TMEM278: variants seen among roughly 807,000 people sequenced by gnomAD.
TMEM278 encodes transmembrane protein 278, also known as transmembrane protein 88B.
chr1:1,426,685 A>T, the TMEM278 span, among the ~76,000 whole-genome samples: 1 of 152,074 alleles, frequency 6.6e-6, no homozygotes, highest in African/African-American at 2.4e-5. Flanking sequence ...CAGGAAAAGA[A>T]GATGAAAATG....
chr1:1,428,713 T>A, the TMEM278 span, among the ~76,000 whole-genome samples: 3 of 152,282 alleles, frequency 2.0e-5, no homozygotes, highest in Non-Finnish European at 4.4e-5. Flanking sequence ...TATGTTAACA[T>A]ATCCAGGCCA....
At chr1:1,427,360 G>A in the TMEM278 span, among the ~76,000 whole-genome samples, 1 of 92,320 alleles carries the variant, frequency 1.1e-5, no homozygotes, top group Admixed American at 1.3e-4. Context: ...ACCCTGCCCT[G>A]CCCCTTCCCC....
At chr1:1,426,896 C>A in the TMEM278 span, among the ~76,000 whole-genome samples, 3 of 151,922 alleles carry the variant, frequency 2.0e-5, no homozygotes, top group Non-Finnish European at 4.4e-5. Flanking sequence ...GCGGGCAGAA[C>A]GCGGCAGTGG....
At chr1:1,427,706 G>A in the TMEM278 span, 3 of 1,323,276 alleles carry the variant, frequency 2.3e-6, no homozygotes, top group Non-Finnish European at 2.9e-6. Context: ...GCCCGCTGCT[G>A]CCTCCGCCCG....
At chr1:1,426,941 C>G in the TMEM278 span, among the ~76,000 whole-genome samples, 1 of 151,970 alleles carries the variant, frequency 6.6e-6, no homozygotes, top group South Asian at 2.1e-4. Flanking sequence ...AGGGACCCTG[C>G]TCAGCCCTTT....
At chr1:1,426,108 A>G in the TMEM278 span, 3 of 1,373,634 alleles carry the variant, frequency 2.2e-6, no homozygotes, top group Non-Finnish European at 2.8e-6. Context: ...CCCGGGCCAC[A>G]GGCCTGCAGT....
chr1:1,428,930 G>A, the TMEM278 span, among the ~76,000 whole-genome samples: 2 of 149,440 alleles, frequency 1.3e-5, no homozygotes, highest in African/African-American at 5.0e-5. Context: ...AACCTGGGAG[G>A]CAAAGCTTGC....
At chr1:1,427,670 C>A in the TMEM278 span, 1 of 1,337,244 alleles carries the variant, frequency 7.5e-7, no homozygotes, top group Non-Finnish European at 9.6e-7. Flanking sequence ...CCTCGGCCGT[C>A]CGCGCCCGCC....
the TMEM278 span, chr1:1,427,857 G>A: frequency 4.4e-5 from 56 of 1,286,050 alleles, no homozygotes; most frequent in East Asian, 1.9e-3. Flanking sequence ...GGCCCGGCCC[G>A]GAAAACTGAG....
At chr1:1,425,877 C>A in the TMEM278 span, among the ~76,000 whole-genome samples, 2 of 152,120 alleles carry the variant, frequency 1.3e-5, no homozygotes, top group Middle Eastern at 3.4e-3. Context: ...GCCCAGAGCA[C>A]CAGGAGCTGG....
the TMEM278 span, chr1:1,427,637 G>C: frequency 2.2e-6 from 3 of 1,339,330 alleles, no homozygotes; most frequent in Non-Finnish European, 2.9e-6. Context: ...GGCTTCTCTC[G>C]CTGCCGCCGC....
chr1:1,427,788 C>T, the TMEM278 span: 2,304 of 1,379,858 alleles, frequency 1.7e-3, 2 homozygotes, highest in Non-Finnish European at 2.0e-3. Context: ...CTGGGTGTGA[C>T]CCGGCGGCCG....
chr1:1,429,813 T>C, the TMEM278 span, among the ~76,000 whole-genome samples: 3 of 152,200 alleles, frequency 2.0e-5, no homozygotes, highest in Non-Finnish European at 4.4e-5. Flanking sequence ...CAGGGAGTTA[T>C]CTGCTTTCCC....
the TMEM278 span, among the ~76,000 whole-genome samples, chr1:1,430,122 T>C: frequency 6.6e-6 from 1 of 152,174 alleles, no homozygotes; most frequent in Non-Finnish European, 1.5e-5. Context: ...CCTCCTAAAG[T>C]GTTGGGATTA....
chr1:1,428,766 C>T, the TMEM278 span, among the ~76,000 whole-genome samples: 11 of 152,078 alleles, frequency 7.2e-5, no homozygotes, highest in African/African-American at 2.4e-4. Context: ...TTTGGGAAGC[C>T]GAGGAGGGCG....
At chr1:1,426,454 G>T in the TMEM278 span, 16 of 1,252,170 alleles carry the variant, frequency 1.3e-5, no homozygotes, top group Non-Finnish European at 1.4e-5. Flanking sequence ...TGGGTCTGAA[G>T]GCACTGTGCC....
chr1:1,427,992 G>A, the TMEM278 span, among the ~76,000 whole-genome samples: 704 of 134,642 alleles, frequency 5.2e-3, 10 homozygotes, highest in African/African-American at 0.019. Flanking sequence ...GGGAGGGGAG[G>A]GGAAGAGAGG....
chr1:1,426,174 G>A, the TMEM278 span: 4 of 1,418,370 alleles, frequency 2.8e-6, no homozygotes, highest in Non-Finnish European at 3.7e-6. Flanking sequence ...GGGGGAGGTG[G>A]TGCTTCCGAC....
the TMEM278 span, among the ~76,000 whole-genome samples, chr1:1,428,976 G>C: frequency 7.4e-5 from 11 of 149,496 alleles, no homozygotes; most frequent in East Asian, 1.4e-3. Context: ...CTCTAGCTTG[G>C]GCGAAAGAGC....
Sources: allele counts gnomAD v4.1 joint callset (sites outside exome capture counted in the v4.1 genomes callset), GRCh38; gene constraint gnomAD v4.1.1; transcripts MANE v1.5; gene names NCBI Gene and HGNC (gene_info 2026-07-23, HGNC 2026-07-21).